Variants in MRPS35 observed in about 807,000 individuals in gnomAD.
The protein encoded by MRPS35 is mitochondrial ribosomal protein S35.
MRPS35 carries 29 observed loss-of-function variants against 32.7 expected under a neutral mutation model. That is an observed-to-expected ratio of 0.89 (90% CI 0.66 to 1.21). MRPS35 has a LOEUF of 1.21. Among genes scored for constraint, MRPS35 ranks in the 50% most tolerant of loss-of-function variants. MRPS35 has a pLI of 0.00. For missense variants in MRPS35, 373 were observed against 383.8 expected, an observed-to-expected ratio of 0.97 and a Z score of 0.23; for synonymous variants, 148 against 139.3, an observed-to-expected ratio of 1.06 and a Z score of -0.44.
At chr12:27,726,230 A>G (rs913988217) in intron 5 of MRPS35, among the ~76,000 whole-genome samples, 19 of 151,976 alleles carry the variant, frequency 1.3e-4, no homozygotes, top group Admixed American at 1.3e-4. Flanking sequence ...GGATTTACCT[A>G]TTCTTGATGT....
chr12:27,716,319 C>A lies in MRPS35; in HGVS notation c.182C>A (p.Ala61Asp), dbSNP rs2061850392. ...CTACCTCCTAGGACAGAGAAAATGGCTGTTGACCAGGACTGGCCTAGTGTT... is the reference window on the plus strand; with the variant it reads ...CTACCTCCTAGGACAGAGAAAATGGATGTTGACCAGGACTGGCCTAGTGTT... ...KALPPRTEKM[A>D]VDQDWPSVYP... The change falls in exon 3 of 8, where the codon GCT (alanine) becomes GAT (aspartate). Residue 61 changes from alanine (A) to aspartate (D), a missense_variant. By Grantham distance (126) the Ala-to-Asp change is moderately radical. Transcript: ENST00000081029. 5 of 1,611,226 alleles carry A rather than the reference C, an allele frequency of 3.1e-6. No homozygotes were observed. Among genetic ancestry groups the A allele is most frequent in the Non-Finnish European group, 4.2e-6 (5 of 1,179,002 alleles).
chr12:27,733,513 TA>T (rs553031716), intron 5 of MRPS35, among the ~76,000 whole-genome samples: 12 of 152,160 alleles, frequency 7.9e-5, no homozygotes, highest in Admixed American at 7.9e-4. Context: ...AAGGGAGGTT[TA>T]AAAAAGGCAA....
intron 5 of MRPS35, among the ~76,000 whole-genome samples, chr12:27,727,581 C>T (rs1378184311): frequency 6.6e-6 from 1 of 152,004 alleles, no homozygotes; most frequent in Non-Finnish European, 1.5e-5. Context: ...AATCACCTAG[C>T]CATGTCTTTG....
intron 7 of MRPS35, among the ~76,000 whole-genome samples, chr12:27,744,585 C>G (rs1407034344): frequency 1.3e-5 from 2 of 152,156 alleles, no homozygotes; most frequent in Non-Finnish European, 2.9e-5. Context: ...CTAAAAAAAA[C>G]TGGCTCTTCC....
At chr12:27,732,987 GATATATATATAT>G (rs56932909) in intron 5 of MRPS35, among the ~76,000 whole-genome samples, 2,527 of 119,372 alleles carry the variant, frequency 0.021, 40 homozygotes, top group African/African-American at 0.027. Context: ...GTCATTTGAA[GATATATATATAT>G]ATATATATAT....
chr12:27,711,764 T>C (rs372944306), intron 1 of MRPS35, among the ~76,000 whole-genome samples: 7 of 151,512 alleles, frequency 4.6e-5, no homozygotes, highest in Non-Finnish European at 8.8e-5. Context: ...TTAGATCTTG[T>C]CTTGCTGCTC....
intron 7 of MRPS35, among the ~76,000 whole-genome samples, chr12:27,751,243 T>C (rs1433537327): frequency 6.6e-6 from 1 of 151,886 alleles, no homozygotes; most frequent in Non-Finnish European, 1.5e-5. Flanking sequence ...TTTTACAGAA[T>C]GTAGTTTGTT....
At chr12:27,724,977 C>T (rs1367493623) in intron 5 of MRPS35, among the ~76,000 whole-genome samples, 2 of 152,028 alleles carry the variant, frequency 1.3e-5, no homozygotes, top group Non-Finnish European at 2.9e-5. Context: ...AGAGTAGTGG[C>T]ACTAACATAG....
intron 7 of MRPS35, among the ~76,000 whole-genome samples, chr12:27,750,281 A>G (rs2061996701): frequency 6.6e-6 from 1 of 152,188 alleles, no homozygotes; most frequent in African/African-American, 2.4e-5. Flanking sequence ...ATCCCCCAAT[A>G]GATTGTGGAC....
intron 7 of MRPS35, among the ~76,000 whole-genome samples, chr12:27,741,196 A>ATT (rs2061963684): frequency 6.6e-6 from 1 of 152,132 alleles, no homozygotes; most frequent in Non-Finnish European, 1.5e-5. Flanking sequence ...ATAATTAAAA[A>ATT]ATAAGCAAGG....
chr12:27,740,566 G>A (rs557516777), intron 7 of MRPS35, among the ~76,000 whole-genome samples: 1 of 152,224 alleles, frequency 6.6e-6, no homozygotes, highest in South Asian at 2.1e-4. Context: ...ACTGTGCCCT[G>A]CCTTCCCTTG....
rs2062023575 is a variant in MRPS35 at position 27,755,692 on chromosome 12, A to G, written c.*242A>G. ...TCTAAAGTGTTTTGATTTTATTTCT[A>G]CATAATAGCTTTGGTATTCATGTAT... On this transcript the variant is annotated 3_prime_UTR_variant, in exon 8 of 8. Coordinates refer to ENST00000081029, the MANE Select transcript of MRPS35 (RefSeq NM_021821.4). The G allele has an allele frequency of 1.1e-5, 3 of 281,698 alleles. No homozygotes were observed. The highest frequency in any genetic ancestry group is 6.7e-5 in the East Asian group (1 of 14,990). 17.4% of individuals were successfully genotyped at this position (281,698 alleles called of 1,614,324 possible).
At chr12:27,737,453 C>G in intron 6 of MRPS35, 86 bp from the exon 7 acceptor site, 2 of 846,460 alleles carry the variant, frequency 2.4e-6, no homozygotes, top group Non-Finnish European at 4.0e-6. Flanking sequence ...ACATTATCTT[C>G]TGTATTTAGT....
intron 7 of MRPS35, among the ~76,000 whole-genome samples, chr12:27,740,890 G>A (rs1234948501): frequency 2.6e-5 from 4 of 152,142 alleles, no homozygotes; most frequent in Non-Finnish European, 5.9e-5. Flanking sequence ...TTATCCTTCA[G>A]CAGTTTAAAG....
At chr12:27,723,629 T>G (rs1277676297) in intron 4 of MRPS35, among the ~76,000 whole-genome samples, 1 of 152,224 alleles carries the variant, frequency 6.6e-6, no homozygotes, top group African/African-American at 2.4e-5. Flanking sequence ...TCCTTTCAGC[T>G]GATCTTTAGT....
chr12:27,731,657 C>T (rs1380327897), intron 5 of MRPS35, among the ~76,000 whole-genome samples: 1 of 152,158 alleles, frequency 6.6e-6, no homozygotes, highest in African/African-American at 2.4e-5. Context: ...CAACCTCTGC[C>T]TCCATGGTTC....
chr12:27,741,622 A>C (rs2140777249), intron 7 of MRPS35, among the ~76,000 whole-genome samples: 2 of 152,334 alleles, frequency 1.3e-5, no homozygotes, highest in South Asian at 4.1e-4. Context: ...ACAATTTGAC[A>C]TAATTGATGA....
chr12:27,743,970 T>G (rs543706235), intron 7 of MRPS35, among the ~76,000 whole-genome samples: 14 of 152,368 alleles, frequency 9.2e-5, no homozygotes, highest in East Asian at 5.8e-4. Flanking sequence ...ACATTTGGTC[T>G]GTAGCACGGG....
chr12:27,728,052 C>T (rs894348240), intron 5 of MRPS35, among the ~76,000 whole-genome samples: 1 of 152,032 alleles, frequency 6.6e-6, no homozygotes, highest in African/African-American at 2.4e-5. Context: ...TTCCAATCCA[C>T]GGTTAGTTGA....
Sources: allele counts gnomAD v4.1 joint callset (sites outside exome capture counted in the v4.1 genomes callset), GRCh38; gene constraint gnomAD v4.1.1; transcripts MANE v1.5; gene names NCBI Gene and HGNC (gene_info 2026-07-23, HGNC 2026-07-21).